The following C1GALT1 variants were observed in gnomAD, a reference collection of about 807,000 sequenced individuals.
C1GALT1 encodes the protein core 1 synthase, glycoprotein-N-acetylgalactosamine 3-beta-galactosyltransferase 1.
In C1GALT1, 11 loss-of-function variants were observed where a neutral mutation model predicts 31.0. The observed-to-expected ratio is 0.36, with a 90% CI of 0.22 to 0.59. C1GALT1 has a LOEUF of 0.59. C1GALT1 is among the 20% of genes least tolerant of loss of function. The probability of loss-of-function intolerance (pLI) is 0.79; values close to 1 mark genes in which losing one functional copy is unlikely to be tolerated. For missense variants in C1GALT1, 424 were observed against 425.2 expected (o/e 1.00, Z 0.03); for synonymous variants, 175 against 143.6 (o/e 1.22, Z -1.56).
chr7:7,196,894 C>A (rs1781314079), intron 1 of C1GALT1, among the ~76,000 whole-genome samples: 1 of 152,098 alleles, frequency 6.6e-6, no homozygotes, highest in African/African-American at 2.4e-5. Context: ...ATCCTTTTCC[C>A]ACTTTTTGAT....
chr7:7,228,545 A>C (rs533770204), intron 1 of C1GALT1, among the ~76,000 whole-genome samples: 12 of 152,262 alleles, frequency 7.9e-5, no homozygotes, highest in African/African-American at 2.6e-4. Flanking sequence ...TTTGCCAAAA[A>C]TCTGAGTGAG....
At chr7:7,168,950 CA>C (rs1383300167) in intron 2 of C1GALT1, among the ~76,000 whole-genome samples, 1 of 152,150 alleles carries the variant, frequency 6.6e-6, no homozygotes, top group African/African-American at 2.4e-5. Flanking sequence ...TGCTATTGTG[CA>C]AACACCACCA....
intron 1 of C1GALT1, among the ~76,000 whole-genome samples, chr7:7,214,647 G>A (rs973387830): frequency 6.6e-6 from 1 of 152,150 alleles, no homozygotes; most frequent in Non-Finnish European, 1.5e-5. Context: ...GGTGTACAGA[G>A]TATTTTCAAA....
Position 7,233,813 on chromosome 7 carries a change from A to G in C1GALT1, c.-17-490A>G, listed in dbSNP as rs575942731. Among the ~76,000 whole-genome samples the G allele has an allele frequency of 1.2e-4, 19 of 152,338 alleles. No individual in the cohort carries two copies. In the East Asian group the frequency reaches 2.5e-3, roughly 20 times the overall value. The stretch of plus-strand genomic sequence containing the variant: ...AAGCTACAAGTGTTTTTTTACGTTT[A>G]TAAAGGATTGTTTAAGAAGAAGATG... On this transcript the variant is annotated intron_variant, in intron 1 of 3. Coordinates refer to ENST00000436587, the MANE Select transcript of C1GALT1 (RefSeq NM_020156.5).
chr7:7,227,597 G>A (rs1360300689), intron 1 of C1GALT1, among the ~76,000 whole-genome samples: 3 of 151,380 alleles, frequency 2.0e-5, no homozygotes, highest in African/African-American at 4.8e-5. Flanking sequence ...GCGGGCGCCT[G>A]TAGTCCCAGC....
chr7:7,224,021 G>A (rs78885927), intron 1 of C1GALT1, among the ~76,000 whole-genome samples: 6,001 of 152,110 alleles, frequency 0.039, 215 homozygotes, highest in African/African-American at 0.11. Flanking sequence ...TCATTTGTGT[G>A]AATTTTCCTT....
At chr7:7,200,909 C>T (rs924313907) in intron 1 of C1GALT1, among the ~76,000 whole-genome samples, 1 of 152,134 alleles carries the variant, frequency 6.6e-6, no homozygotes, top group African/African-American at 2.4e-5. Flanking sequence ...AATCTTTTTT[C>T]AAGGTTTTTA....
chr7:7,242,380 T>C (rs1783672264), intron 3 of C1GALT1, among the ~76,000 whole-genome samples: 2 of 152,078 alleles, frequency 1.3e-5, no homozygotes, highest in African/African-American at 2.4e-5. Flanking sequence ...AGAATCTACA[T>C]ATCCAGTGTG....
chr7:7,233,937 G>T (rs1405582407), intron 1 of C1GALT1, among the ~76,000 whole-genome samples: 1 of 152,004 alleles, frequency 6.6e-6, no homozygotes, highest in African/African-American at 2.4e-5. Flanking sequence ...AGGGGTGGTG[G>T]TTGCTACCAG....
intron 2 of C1GALT1, among the ~76,000 whole-genome samples, chr7:7,237,955 T>G (rs1783440544): frequency 6.6e-6 from 1 of 152,196 alleles, no homozygotes; most frequent in Admixed American, 6.5e-5. Context: ...AGATTATGCA[T>G]TTCTAACAGG....
intron 1 of C1GALT1, among the ~76,000 whole-genome samples, chr7:7,202,697 G>A (rs1473884137): frequency 6.6e-6 from 1 of 151,966 alleles, no homozygotes; most frequent in Non-Finnish European, 1.5e-5. Context: ...AACTGTTTTG[G>A]CTATTCAGGG....
chr7:7,159,935 C>T (rs537644059), intron 2 of C1GALT1, among the ~76,000 whole-genome samples: 135 of 152,278 alleles, frequency 8.9e-4, no homozygotes, highest in Non-Finnish European at 1.6e-3. Context: ...AACTGGAGCA[C>T]AGCATCTCTT....
At position 7,245,886 on chromosome 7, in the gene C1GALT1, T is replaced by TG. The variant is rs1465535454; in HGVS notation, c.*2160dup. On this transcript the variant is annotated 3_prime_UTR_variant, in exon 4 of 4. Coordinates refer to ENST00000436587, the MANE Select transcript of C1GALT1 (RefSeq NM_020156.5). The stretch of plus-strand genomic sequence containing the variant: ...ACCTTGAGCAATTTTAATCTCTCTG[T>TG]GTCTCAATTTCCTCATCTTTTAATT... 1 of 152,226 alleles carries TG rather than the reference T, an allele frequency of 6.6e-6. No individual in the cohort carries two copies. Among genetic ancestry groups the TG allele is most frequent in the African/African-American group, 2.4e-5 (1 of 41,450 alleles). 9.4% of individuals were successfully genotyped at this position (152,226 alleles called of 1,614,324 possible).
intron 3 of C1GALT1, among the ~76,000 whole-genome samples, chr7:7,240,781 A>T (rs1210304261): frequency 6.6e-6 from 1 of 152,156 alleles, no homozygotes; most frequent in African/African-American, 2.4e-5. Flanking sequence ...GGAGATTCTT[A>T]CATAAACCCA....
intron 2 of C1GALT1, among the ~76,000 whole-genome samples, chr7:7,164,208 C>A (rs190283110): frequency 6.6e-6 from 1 of 152,248 alleles, no homozygotes; most frequent in East Asian, 1.9e-4. Context: ...GAAAAACAAG[C>A]AATGGGGAAA....
In C1GALT1 at chr7:7,230,372, C is replaced by G. The variant is rs574819748; in HGVS notation, c.-17-3931C>G. Among the ~76,000 whole-genome samples the G allele has an allele frequency of 3.9e-5, 6 of 152,022 alleles. No individual in the cohort carries two copies. In the East Asian group the frequency reaches 9.7e-4, roughly 24 times the overall value. On this transcript the variant is annotated intron_variant, in intron 1 of 3. Transcript: ENST00000436587. ...TAGTTTTTTTTGTGGTATCAATAAG[C>G]TTTCCTTTAATTACTGTTTGTATGG...
intron 1 of C1GALT1, among the ~76,000 whole-genome samples, chr7:7,212,367 T>G (rs1172684879): frequency 1.3e-5 from 2 of 152,182 alleles, no homozygotes. Context: ...ACCCTTTCAG[T>G]CAAAGCCTTG....
intron 1 of C1GALT1, among the ~76,000 whole-genome samples, chr7:7,204,804 A>G (rs993378005): frequency 6.6e-6 from 1 of 151,968 alleles, no homozygotes; most frequent in African/African-American, 2.4e-5. Context: ...TCTTCGCCCC[A>G]TTGGTTGTTT....
At chr7:7,215,418 G>A (rs1163254302) in intron 1 of C1GALT1, among the ~76,000 whole-genome samples, 8 of 152,116 alleles carry the variant, frequency 5.3e-5, no homozygotes, top group Admixed American at 1.3e-4. Flanking sequence ...CCAAAAGCCC[G>A]ACTGGTAAGA....
Sources: allele counts gnomAD v4.1 joint callset (sites outside exome capture counted in the v4.1 genomes callset), GRCh38; gene constraint gnomAD v4.1.1; transcripts MANE v1.5; gene names NCBI Gene and HGNC (gene_info 2026-07-23, HGNC 2026-07-21).